Variants in JAKMIP3 observed in about 807,000 individuals in gnomAD.
The protein encoded by JAKMIP3 is Janus kinase and microtubule interacting protein 3.
A neutral mutation model predicts 118.5 loss-of-function variants in JAKMIP3; 58 were observed. That is an observed-to-expected ratio of 0.49 (90% confidence interval 0.40 to 0.61). The LOEUF (loss-of-function observed/expected upper bound fraction) is 0.61. Among genes scored for constraint, JAKMIP3 ranks in the 20% least tolerant of loss-of-function variants. The pLI is 0.00. For synonymous variants in JAKMIP3, 486 were observed against 451.2 expected (o/e 1.08, Z -0.98); for missense variants, 950 against 1,109.0 (o/e 0.86, Z 2.04).
rs2059082826 is a variant in JAKMIP3 at position 132,167,831 on chromosome 10, C to CCTCGCCCCTCACCT, written c.*23-118_*23-117insCCCCTCACCTCTCG. 5 of 554,604 alleles carry CCTCGCCCCTCACCT rather than the reference C, an allele frequency of 9.0e-6. No individual in the cohort carries two copies. The Admixed American group carries it at 1.2e-4, about 13-fold the overall frequency. The allele number at this position is 554,604 out of a possible 1,614,324, so 34.4% of individuals were successfully genotyped here. ...CACCCCTCACCCCTCGGCCCTCACC[C>CCTCGCCCCTCACCT]CTCGGCCCTCGCCCCTCGCCCCTCA... On this transcript the variant is annotated intron_variant, in intron 22 of 23. Coordinates refer to ENST00000684848, the MANE Select transcript of JAKMIP3 (RefSeq NM_001323087.2).
intron 1 of JAKMIP3, among the ~76,000 whole-genome samples, chr10:132,097,923 T>TC (rs796200730): frequency 3.8e-4 from 13 of 33,862 alleles, no homozygotes; most frequent in Non-Finnish European, 4.5e-4. Context: ...CCTTCCCCTT[T>TC]CCTTCCCCTT....
At position 132,180,586 on chromosome 10, in the gene JAKMIP3, C is replaced by CGT. The variant is rs1264719961; in HGVS notation, c.*1104-1761_*1104-1760dup. Among the ~76,000 whole-genome samples, 21 of 9,770 alleles carry CGT rather than the reference C, an allele frequency of 2.1e-3. 8 individuals carry two copies. The highest frequency in any genetic ancestry group is 2.6e-3 in the Non-Finnish European group (14 of 5,466). The allele number at this position is 9,770 out of a possible 152,430, so 6.4% of individuals were successfully genotyped here. ...GTGTGTGCGTGTGTGTGTGCGTGCG[C>CGT]GTGTGTGTGTGCGTGCGCGTGTGTG... On this transcript the variant is annotated intron_variant, in intron 23 of 23. Transcript: ENST00000684848.
intron 1 of JAKMIP3, among the ~76,000 whole-genome samples, chr10:132,100,835 T>G (rs34686655): frequency 0.22 from 28,267 of 130,334 alleles, 2,906 homozygotes; most frequent in South Asian, 0.31. Context: ...GAGGAACCCC[T>G]GCCGCGCTCC....
chr10:132,056,719 G>A (rs909408364), intron 1 of JAKMIP3, among the ~76,000 whole-genome samples: 1 of 152,196 alleles, frequency 6.6e-6, no homozygotes, highest in African/African-American at 2.4e-5. Flanking sequence ...CTGACCCATG[G>A]GAGCCAAGTG....
intron 2 of JAKMIP3, among the ~76,000 whole-genome samples, chr10:132,116,590 ACATT>A (rs2047708145): frequency 6.2e-5 from 1 of 16,038 alleles, no homozygotes; most frequent in Non-Finnish European, 1.2e-4. Flanking sequence ...CCCCGAATAC[ACATT>A]CAGATGTGTG....
intron 2 of JAKMIP3, among the ~76,000 whole-genome samples, chr10:132,105,313 C>CA (rs1379550127): frequency 2.0e-5 from 3 of 152,248 alleles, no homozygotes; most frequent in Non-Finnish European, 4.4e-5. Flanking sequence ...TGACCTGAAA[C>CA]AGAGTGGGCA....
intron 1 of JAKMIP3, among the ~76,000 whole-genome samples, chr10:132,040,392 C>T (rs548242482): frequency 6.6e-6 from 1 of 152,254 alleles, no homozygotes; most frequent in East Asian, 1.9e-4. Flanking sequence ...GAGACAGGGC[C>T]CTCCCCTCGC....
intron 23 of JAKMIP3, among the ~76,000 whole-genome samples, chr10:132,177,842 C>A (rs1360615991): frequency 7.0e-6 from 1 of 142,710 alleles, no homozygotes; most frequent in Admixed American, 7.1e-5. Flanking sequence ...TGCTCCTGTG[C>A]CCTGGGTAGT....
intron 1 of JAKMIP3, among the ~76,000 whole-genome samples, chr10:132,101,707 C>T (rs929103120): frequency 6.6e-6 from 1 of 151,362 alleles, no homozygotes; most frequent in Non-Finnish European, 1.5e-5. Flanking sequence ...CCTGGGGTGC[C>T]GCTGGAAGGA....
At chr10:132,153,543 G>T (rs1337694750) in intron 17 of JAKMIP3, among the ~76,000 whole-genome samples, 1 of 152,152 alleles carries the variant, frequency 6.6e-6, no homozygotes, top group Non-Finnish European at 1.5e-5. Context: ...CCTGGAGAAG[G>T]TGTCAGGGGT....
intron 3 of JAKMIP3, among the ~76,000 whole-genome samples, chr10:132,120,602 G>A (rs922244998): frequency 1.3e-5 from 2 of 152,242 alleles, no homozygotes; most frequent in African/African-American, 4.8e-5. Flanking sequence ...CATATCACAA[G>A]AGGTGCCCTG....
Position 132,163,293 on chromosome 10 carries a change from G to GAGC in JAKMIP3, c.2306_2308dup (p.Glu769_Arg770insGln), listed in dbSNP as rs749824004. 1.2e-6 allele frequency: 2 copies of GAGC among 1,602,722 alleles called. No homozygotes were observed. Among genetic ancestry groups the GAGC allele is most frequent in the African/African-American group, 2.7e-5 (2 of 74,820 alleles). On this transcript the variant is annotated inframe_insertion, in exon 20 of 24. Coordinates refer to ENST00000684848, the MANE Select transcript of JAKMIP3 (RefSeq NM_001323087.2). ...GGTGGCTGAGCTGCTGTCAGAGGAGGAGCGCGAGAAGCTCAAGGTGGCCGT... is the reference window on the plus strand; with the variant it reads ...GGTGGCTGAGCTGCTGTCAGAGGAGGAGCAGCGCGAGAAGCTCAAGGTGGCCGT...
chr10:132,176,749 G>A (rs916571836), intron 23 of JAKMIP3, among the ~76,000 whole-genome samples: 6 of 151,950 alleles, frequency 3.9e-5, no homozygotes, highest in East Asian at 1.9e-4. Context: ...CTGTGACCTC[G>A]TGCTGGGGCT....
chr10:132,138,212 A>T, intron 9 of JAKMIP3, 34 bp downstream of exon 9: 1 of 1,574,892 alleles, frequency 6.3e-7, no homozygotes, highest in African/African-American at 1.4e-5. Flanking sequence ...TGCGGAGAGT[A>T]CGCCGGGTGT....
intron 17 of JAKMIP3, among the ~76,000 whole-genome samples, chr10:132,153,278 G>C (rs1345186744): frequency 6.6e-6 from 1 of 152,230 alleles, no homozygotes; most frequent in East Asian, 1.9e-4. Context: ...AAGGCGGGAA[G>C]GTATGGTGAG....
At chr10:132,107,164 G>A (rs1254425895) in intron 2 of JAKMIP3, among the ~76,000 whole-genome samples, 3 of 151,998 alleles carry the variant, frequency 2.0e-5, no homozygotes, top group Non-Finnish European at 4.4e-5. Flanking sequence ...CAACATGCTG[G>A]GATTACAGGG....
chr10:132,111,010 C>T (rs1294195063), intron 2 of JAKMIP3, among the ~76,000 whole-genome samples: 2 of 152,240 alleles, frequency 1.3e-5, no homozygotes, highest in Non-Finnish European at 2.9e-5. Context: ...GGCCACTGCC[C>T]GCCCTCCTGC....
intron 3 of JAKMIP3, among the ~76,000 whole-genome samples, chr10:132,129,412 A>G (rs2050169611): frequency 6.6e-6 from 1 of 152,162 alleles, no homozygotes; most frequent in Non-Finnish European, 1.5e-5. Context: ...GCACACGTAC[A>G]GCTTAGCAGT....
At chr10:132,119,917 G>A (rs959007437) in intron 3 of JAKMIP3, among the ~76,000 whole-genome samples, 8 of 152,164 alleles carry the variant, frequency 5.3e-5, no homozygotes, top group African/African-American at 1.7e-4. Flanking sequence ...AGAGATTCAC[G>A]TTTCCTGCCT....
Sources: allele counts gnomAD v4.1 joint callset (sites outside exome capture counted in the v4.1 genomes callset), GRCh38; gene constraint gnomAD v4.1.1; transcripts MANE v1.5; gene names NCBI Gene and HGNC (gene_info 2026-07-23, HGNC 2026-07-21).